Variants in FAT3 observed in about 807,000 individuals in gnomAD.
FAT3 encodes FAT atypical cadherin 3, also known as protocadherin Fat 3.
FAT3 carries 95 observed loss-of-function variants against 310.2 expected under a neutral mutation model. The ratio of observed to expected loss-of-function variants is 0.31; its 90% CI spans 0.26 to 0.36. The LOEUF (loss-of-function observed/expected upper bound fraction) is 0.36. Ranked by LOEUF, FAT3 falls within the 10% of genes least tolerant of loss-of-function variation. The pLI is 1.00. For synonymous variants in FAT3, 2,314 were observed against 2,192.9 expected, an observed-to-expected ratio of 1.06 and a Z score of -1.54; for missense variants, 5,408 against 5,715.6, an observed-to-expected ratio of 0.95 and a Z score of 1.74.
chr11:92,667,083 A>C (rs1385020690), intron 3 of FAT3, among the ~76,000 whole-genome samples: 2 of 151,894 alleles, frequency 1.3e-5, no homozygotes, highest in Non-Finnish European at 2.9e-5. Context: ...AAAGACAGAT[A>C]ATTTCTGGGC....
chr11:92,560,145 A>T lies in FAT3; in HGVS notation c.3607+35197A>T, dbSNP rs1400118421. ...ATCTGACTTTTTGTTTTTAGCCATC[A>T]TACTGGATGTTAAGTGGTATCTTAT... On this transcript the variant is annotated intron_variant, in intron 3 of 27. Coordinates refer to ENST00000525166, the MANE Select transcript of FAT3 (RefSeq NM_001367949.2). Among the ~76,000 whole-genome samples, 3 of 152,298 alleles carry T rather than the reference A, an allele frequency of 2.0e-5. No homozygotes were observed. The South Asian group carries it at 6.2e-4, about 32-fold the overall frequency.
intron 18 of FAT3, among the ~76,000 whole-genome samples, chr11:92,842,102 C>T (rs1275654572): frequency 1.3e-5 from 2 of 152,144 alleles, no homozygotes; most frequent in Non-Finnish European, 2.9e-5. Flanking sequence ...ATAGGACAGC[C>T]TGGCATGGTT....
chr11:92,658,047 G>C (rs974086626), intron 3 of FAT3, among the ~76,000 whole-genome samples: 1 of 152,042 alleles, frequency 6.6e-6, no homozygotes, highest in African/African-American at 2.4e-5. Flanking sequence ...CAGTATACAG[G>C]AAACATTATA....
At chr11:92,262,968 T>A (rs1865619394) in intron 1 of FAT3, among the ~76,000 whole-genome samples, 4 of 152,090 alleles carry the variant, frequency 2.6e-5, no homozygotes, top group Admixed American at 2.6e-4. Flanking sequence ...GGTTCCCTCA[T>A]AATAATCTTT....
chr11:92,708,392 A>G (rs1235255048), intron 4 of FAT3, among the ~76,000 whole-genome samples: 1 of 152,224 alleles, frequency 6.6e-6, no homozygotes, highest in Non-Finnish European at 1.5e-5. Flanking sequence ...AATGCACAAG[A>G]TATGGAGACA....
At position 92,259,873 on chromosome 11, in the gene FAT3, C is replaced by T. The variant is rs190488622; in HGVS notation, c.-18+34699C>T. ...GATTTTCAACCTGCTTTCATCTCCT[C>T]TTCCTTTTGGTGTTTTTCCTAGATG... On this transcript the variant is annotated intron_variant, in intron 1 of 27. Coordinates refer to ENST00000525166, the MANE Select transcript of FAT3 (RefSeq NM_001367949.2). Among the ~76,000 whole-genome samples, 3 of 152,234 alleles carry T rather than the reference C, an allele frequency of 2.0e-5. No homozygotes were observed. In the East Asian group the frequency reaches 5.8e-4, roughly 29 times the overall value.
At chr11:92,564,550 G>A (rs370487581) in intron 3 of FAT3, among the ~76,000 whole-genome samples, 36 of 152,018 alleles carry the variant, frequency 2.4e-4, no homozygotes, top group South Asian at 4.2e-4. Flanking sequence ...ATAGACATCT[G>A]CAGAACTCTC....
intron 19 of FAT3, among the ~76,000 whole-genome samples, chr11:92,851,603 C>T (rs973529198): frequency 1.3e-5 from 2 of 152,162 alleles, no homozygotes; most frequent in Non-Finnish European, 2.9e-5. Context: ...ATTTTTGTGA[C>T]AGGAGCTAAA....
intron 3 of FAT3, among the ~76,000 whole-genome samples, chr11:92,683,911 A>C (rs1476516310): frequency 2.0e-5 from 3 of 152,236 alleles, no homozygotes; most frequent in Non-Finnish European, 4.4e-5. Flanking sequence ...AAATCACAGC[A>C]AAATTAAATA....
Position 92,890,675 on chromosome 11 carries a change from G to A in FAT3, c.13332G>A (p.Glu4444=), listed in dbSNP as rs2136444791. 2 of 1,613,764 alleles carry A rather than the reference G, an allele frequency of 1.2e-6. No homozygotes were observed. The highest frequency in any genetic ancestry group is 1.3e-5 in the African/African-American group (1 of 74,992). The change falls in exon 28 of 28, where the codon GAG becomes GAA. Residue 4444 remains glutamate (E), a synonymous_variant. Transcript: ENST00000525166. ...DSEYPPPHEE[E]FLSQDQLPPP... is the part of the protein sequence containing the mutation. ...AATACCCACCCCCTCATGAAGAGGA[G>A]TTCTTGAGTCAGGACCAGCTGCCTC...
At chr11:92,526,867 G>A (rs1032349120) in intron 3 of FAT3, among the ~76,000 whole-genome samples, 5 of 152,066 alleles carry the variant, frequency 3.3e-5, no homozygotes, top group Admixed American at 2.0e-4. Flanking sequence ...AGCATACCTT[G>A]TAGTTTCCAG....
At chr11:92,270,683 C>A (rs1369251050) in intron 1 of FAT3, among the ~76,000 whole-genome samples, 1 of 151,864 alleles carries the variant, frequency 6.6e-6, no homozygotes, top group Non-Finnish European at 1.5e-5. Context: ...CAAAACTTCA[C>A]CTCAATAAAT....
intron 22 of FAT3, among the ~76,000 whole-genome samples, chr11:92,878,940 G>T (rs1949605577): frequency 1.3e-5 from 2 of 152,076 alleles, no homozygotes; most frequent in South Asian, 4.1e-4. Context: ...TTTCCAGATT[G>T]CAAGAGCCCA....
chr11:92,790,581 A>G (rs930663302), intron 8 of FAT3, among the ~76,000 whole-genome samples: 1 of 152,202 alleles, frequency 6.6e-6, no homozygotes, highest in African/African-American at 2.4e-5. Context: ...TAAGAAGTTA[A>G]TCACAAGGGT....
Position 92,251,216 on chromosome 11 carries a change from G to A in FAT3, c.-18+26042G>A, listed in dbSNP as rs959101198. Among the ~76,000 whole-genome samples the A allele has an allele frequency of 3.3e-5, 5 of 152,236 alleles. No homozygotes were observed. The South Asian group carries it at 1.0e-3, about 32-fold the overall frequency. On this transcript the variant is annotated intron_variant, in intron 1 of 27. Transcript: ENST00000525166. ...TAGTCTGATCAGTTTCATTGCTTCC[G>A]AGGTAGGTTCTGTCATCCATCTTTA...
intron 1 of FAT3, among the ~76,000 whole-genome samples, chr11:92,247,326 C>CT (rs34159674): frequency 0.1 from 14,891 of 144,118 alleles, 1,442 homozygotes; most frequent in African/African-American, 0.26. Context: ...GAAACCATGT[C>CT]TTTTTTTTTT....
At chr11:92,311,377 T>C (rs1411862635) in intron 1 of FAT3, among the ~76,000 whole-genome samples, 6 of 152,220 alleles carry the variant, frequency 3.9e-5, no homozygotes, top group Non-Finnish European at 8.8e-5. Flanking sequence ...ATTTTCTTTA[T>C]GGCTGCTGTA....
chr11:92,552,597 T>C (rs1022615637), intron 3 of FAT3, among the ~76,000 whole-genome samples: 7 of 152,148 alleles, frequency 4.6e-5, no homozygotes, highest in African/African-American at 1.7e-4. Context: ...TGAGTTATGA[T>C]TTTTAGATTA....
chr11:92,652,407 AC>A (rs1565488266), intron 3 of FAT3, among the ~76,000 whole-genome samples: 1 of 152,218 alleles, frequency 6.6e-6, no homozygotes, highest in Non-Finnish European at 1.5e-5. Context: ...AGGCCATAAA[AC>A]TGACTTGCTT....
Sources: gnomAD v4.1 joint callset for allele counts (sites outside exome capture counted in the v4.1 genomes callset) on GRCh38, gnomAD v4.1.1 for gene constraint, MANE v1.5 for transcripts, NCBI Gene and HGNC (gene_info 2026-07-23, HGNC 2026-07-21) for gene names.